DLG2: variants seen among roughly 807,000 people sequenced by gnomAD.
The protein encoded by DLG2 is discs large MAGUK scaffold protein 2, also known as disks large homolog 2.
Under a neutral mutation model 132.5 loss-of-function variants are expected in DLG2, and 45 were observed. That is an observed-to-expected ratio of 0.34 (90% CI 0.27 to 0.44). The LOEUF (loss-of-function observed/expected upper bound fraction) is 0.44. DLG2 is among the 20% of genes least tolerant of loss of function. DLG2 has a pLI of 1.00. For missense variants in DLG2, 1,045 were observed against 1,196.9 expected (o/e 0.87, Z 1.87); for synonymous variants, 424 against 419.6 (o/e 1.01, Z -0.13).
intron 3 of DLG2, among the ~76,000 whole-genome samples, chr11:85,407,147 G>T (rs577080776): frequency 6.6e-6 from 1 of 151,944 alleles, no homozygotes; most frequent in South Asian, 2.1e-4. Context: ...AAGAGTAGTG[G>T]AGGTAGAGGG....
chr11:83,620,333 T>A (rs1341567779), intron 19 of DLG2, among the ~76,000 whole-genome samples: 2 of 152,182 alleles, frequency 1.3e-5, no homozygotes, highest in Non-Finnish European at 2.9e-5. Context: ...ATCAATTATA[T>A]CTCAATAAAG....
At position 83,733,770 on chromosome 11, in the gene DLG2, T is replaced by C. The variant is rs568964480; in HGVS notation, c.1825+52920A>G. Among the ~76,000 whole-genome samples, 6 of 152,356 alleles carry C rather than the reference T, an allele frequency of 3.9e-5. No individual in the cohort carries two copies. The East Asian group carries it at 1.2e-3, about 29-fold the overall frequency. ...CCTTTGCTCATTTGTTTCTTTGTTG[T>C]TGTTGCTTTAAATGGATTTAGGAGG... On this transcript the variant is annotated intron_variant, in intron 18 of 27. Coordinates refer to ENST00000376104, the MANE Select transcript of DLG2 (RefSeq NM_001142699.3).
At chr11:84,079,572 C>T (rs188773575) in intron 10 of DLG2, among the ~76,000 whole-genome samples, 2 of 152,252 alleles carry the variant, frequency 1.3e-5, no homozygotes, top group East Asian at 3.9e-4. Context: ...CATGAGCCAC[C>T]GTGTCCAGCC....
chr11:85,104,567 ACTG>A (rs2071390508), intron 6 of DLG2, among the ~76,000 whole-genome samples: 1 of 151,860 alleles, frequency 6.6e-6, no homozygotes, highest in Non-Finnish European at 1.5e-5. Flanking sequence ...ATGGGAAATT[ACTG>A]CTAATGGATG....
At chr11:83,634,906 C>T (rs1275461060) in intron 18 of DLG2, among the ~76,000 whole-genome samples, 1 of 152,062 alleles carries the variant, frequency 6.6e-6, no homozygotes, top group Non-Finnish European at 1.5e-5. Context: ...TGGTATTATC[C>T]AGATTTGGAA....
intron 10 of DLG2, among the ~76,000 whole-genome samples, chr11:84,092,016 T>C (rs2097101080): frequency 6.6e-6 from 1 of 152,254 alleles, no homozygotes; most frequent in Non-Finnish European, 1.5e-5. Context: ...AGAATCTCTC[T>C]GTTTTTAAAA....
chr11:84,353,747 T>G (rs1047556977), intron 7 of DLG2, among the ~76,000 whole-genome samples: 3 of 152,204 alleles, frequency 2.0e-5, no homozygotes, highest in Non-Finnish European at 2.9e-5. Context: ...TGTGTTCTTC[T>G]GTCACCCTGA....
At chr11:84,738,387 GATAAA>G (rs2064144632) in intron 6 of DLG2, among the ~76,000 whole-genome samples, 1 of 151,814 alleles carries the variant, frequency 6.6e-6, no homozygotes, top group Non-Finnish European at 1.5e-5. Flanking sequence ...AAGGTAGTGA[GATAAA>G]ATAAATATTG....
In DLG2 at chr11:84,874,647, G is replaced by C. The variant is rs552516600; in HGVS notation, c.357+237014C>G. Among the ~76,000 whole-genome samples, 3 of 152,268 alleles carry C rather than the reference G, an allele frequency of 2.0e-5. No individual in the cohort carries two copies. The South Asian group carries it at 6.2e-4, about 32-fold the overall frequency. On this transcript the variant is annotated intron_variant, in intron 6 of 27. Transcript: ENST00000376104. ...GCATGGAATAAGAATTGAATATGGA[G>C]AGACTAGTTAGCAATTCATGTGAGA...
rs191019286 is a variant in DLG2 at position 84,504,276 on chromosome 11, T to G, written c.519+30294A>C. On this transcript the variant is annotated intron_variant, in intron 7 of 27. Coordinates refer to ENST00000376104, the MANE Select transcript of DLG2 (RefSeq NM_001142699.3). The stretch of plus-strand genomic sequence containing the variant: ...CCTCTTCTACAAAGGGGTGAAATGT[T>G]TCAACAACTTACTTAAACATTAACT... Among the ~76,000 whole-genome samples the G allele has an allele frequency of 3.4e-4, 52 of 152,294 alleles. 1 individual carries two copies. In the East Asian group the frequency reaches 7.1e-3, roughly 21 times the overall value.
chr11:84,418,977 A>G lies in DLG2; in HGVS notation c.519+115593T>C, dbSNP rs538520955. On this transcript the variant is annotated intron_variant, in intron 7 of 27. Transcript: ENST00000376104. Reference sequence around the variant, plus strand: ...ACTTTTGGTTTGACTTGGAGACACAAATTGCTTGCCTGCCTCTTACATTAA... The same window carrying G: ...ACTTTTGGTTTGACTTGGAGACACAGATTGCTTGCCTGCCTCTTACATTAA... 1.6e-3 allele frequency among the ~76,000 whole-genome samples: 246 copies of G among 152,262 alleles called. 1 individual carries two copies. Among genetic ancestry groups the G allele is most frequent in the African/African-American group, 5.2e-3 (215 of 41,542 alleles).
chr11:84,945,846 G>A (rs1253047736), intron 6 of DLG2, among the ~76,000 whole-genome samples: 1 of 152,090 alleles, frequency 6.6e-6, no homozygotes, highest in Non-Finnish European at 1.5e-5. Flanking sequence ...TGGGATCCAG[G>A]ATCTGGATTT....
intron 8 of DLG2, among the ~76,000 whole-genome samples, chr11:84,234,255 T>C (rs1423299550): frequency 6.6e-6 from 1 of 152,194 alleles, no homozygotes; most frequent in Admixed American, 6.5e-5. Context: ...AATTGCCCAC[T>C]TGGCCAGCCT....
intron 6 of DLG2, among the ~76,000 whole-genome samples, chr11:84,916,279 G>GCGGAGCATGCAGTGAGC (rs2092454777): frequency 7.0e-6 from 1 of 142,516 alleles, no homozygotes; most frequent in African/African-American, 2.6e-5. Flanking sequence ...AACCCGGGAG[G>GCGGAGCATGCAGTGAGC]CGGAGCATGC....
intron 6 of DLG2, among the ~76,000 whole-genome samples, chr11:84,930,106 G>T (rs2047918451): frequency 6.6e-6 from 1 of 151,970 alleles, no homozygotes; most frequent in African/African-American, 2.4e-5. Context: ...AAGCCTTCAG[G>T]GAGTGACCAT....
intron 7 of DLG2, among the ~76,000 whole-genome samples, chr11:84,373,722 AT>A: frequency 6.6e-6 from 1 of 152,240 alleles, no homozygotes; most frequent in South Asian, 2.1e-4. Context: ...AAAGATCCTT[AT>A]TTTTAACTTT....
intron 6 of DLG2, among the ~76,000 whole-genome samples, chr11:84,860,596 A>C (rs1566178991): frequency 6.6e-6 from 1 of 152,142 alleles, no homozygotes; most frequent in South Asian, 2.1e-4. Context: ...TTGACTGGTA[A>C]AGAAATTCAT....
In DLG2 at chr11:85,521,162, A is replaced by G. The variant is rs565487197; in HGVS notation, c.40+77495T>C. ...AAATCTTATCTTGAGTTGTAATCCT[A>G]ATTATAATCCCCATGTGTTGGGTGA... On this transcript the variant is annotated intron_variant, in intron 3 of 27. Coordinates refer to ENST00000376104, the MANE Select transcript of DLG2 (RefSeq NM_001142699.3). Among the ~76,000 whole-genome samples, 23 of 152,320 alleles carry G rather than the reference A, an allele frequency of 1.5e-4. No homozygotes were observed. The South Asian group carries it at 3.3e-3, about 22-fold the overall frequency.
chr11:84,561,531 CCAGA>C (rs1175056138), intron 6 of DLG2, among the ~76,000 whole-genome samples: 1 of 152,052 alleles, frequency 6.6e-6, no homozygotes, highest in Non-Finnish European at 1.5e-5. Flanking sequence ...GACTTGCCCA[CCAGA>C]CAGTCATCTT....
Sources: gnomAD v4.1 joint callset for allele counts (sites outside exome capture counted in the v4.1 genomes callset) on GRCh38, gnomAD v4.1.1 for gene constraint, MANE v1.5 for transcripts, NCBI Gene and HGNC (gene_info 2026-07-23, HGNC 2026-07-21) for gene names.